The following TSPAN32 variants were observed in gnomAD, a reference collection of about 807,000 sequenced individuals.
TSPAN32 encodes the protein tetraspanin 32, also known as tetraspanin-32.
Under a neutral mutation model 42.7 loss-of-function variants are expected in TSPAN32, and 47 were observed. The observed-to-expected ratio is 1.10, with a 90% CI of 0.87 to 1.40. The LOEUF (loss-of-function observed/expected upper bound fraction) is 1.40, where lower values mean the gene tolerates loss of function less well. Among genes scored for constraint, TSPAN32 ranks in the 40% most tolerant of loss-of-function variants. TSPAN32 has a pLI of 0.00. For missense variants in TSPAN32, 469 were observed against 424.1 expected (o/e 1.11, Z -0.93); for synonymous variants, 175 against 175.9 (o/e 0.99, Z 0.04).
At position 2,313,669 on chromosome 11, in the gene TSPAN32, C is replaced by T; in HGVS notation, c.370C>T (p.Leu124=). The part of the protein sequence containing the change: ...HSPTQVEDAM[L]DTYDLVYEQA... ...CTCGGTGCAGGTGGAGGACGCCATG[C>T]TGGACACCTACGACCTGGTATATGA... Residue 124 remains leucine, a synonymous_variant, in exon 5 of 10, where the codon CTG becomes TTG. Transcript: ENST00000182290. This position sits in a 1 kb window ranked among gnomAD's most constrained non-coding sequence, Gnocchi z 9.1. 1 of 1,607,026 alleles carries T rather than the reference C, an allele frequency of 6.2e-7. No individual in the cohort carries two copies. Among genetic ancestry groups the T allele is most frequent in the East Asian group, 2.2e-5 (1 of 44,644 alleles).
chr11:2,318,076 C>A lies in TSPAN32; in HGVS notation c.*152C>A. On this transcript the variant is annotated 3_prime_UTR_variant, in exon 10 of 10. Transcript: ENST00000182290. This position sits in a 1 kb window ranked among gnomAD's most constrained non-coding sequence, Gnocchi z 4.2. ...CCTGGTCCTGTGGTCCCTCCACCTT[C>A]AAACCAGCAATGGTGCATTGAGCAA... 2 of 583,232 alleles carry A rather than the reference C, an allele frequency of 3.4e-6. No individual in the cohort carries two copies. The highest frequency in any genetic ancestry group is 6.0e-6 in the Non-Finnish European group (2 of 331,150). 36.1% of individuals were successfully genotyped at this position (583,232 alleles called of 1,614,324 possible).
rs188461145 is a variant in TSPAN32 at position 2,312,680 on chromosome 11, G to A, written c.355-974G>A. 3.4e-3 allele frequency among the ~76,000 whole-genome samples: 525 copies of A among 152,324 alleles called. 1 individual carries two copies. The highest frequency in any genetic ancestry group is 0.012 in the African/African-American group (496 of 41,578). Reference sequence around the variant, plus strand: ...GGGCCCCAGTGCAATGAGGACCGCCGTAAGCCACCCTTCCTTTCTGGAGGG... The same window carrying A: ...GGGCCCCAGTGCAATGAGGACCGCCATAAGCCACCCTTCCTTTCTGGAGGG... On this transcript the variant is annotated intron_variant, in intron 4 of 9. Coordinates refer to ENST00000182290, the MANE Select transcript of TSPAN32 (RefSeq NM_139022.3).
intron 3 of TSPAN32, among the ~76,000 whole-genome samples, chr11:2,306,612 GA>G (rs1848108945): frequency 6.6e-6 from 1 of 151,184 alleles, no homozygotes; most frequent in Admixed American, 6.6e-5. Flanking sequence ...CCTGAGGAAT[GA>G]AATGGTTTCT....
chr11:2,308,668 C>A lies in TSPAN32; in HGVS notation c.280-68C>A, dbSNP rs1848274093. On this transcript the variant is annotated intron_variant, in intron 3 of 9. Coordinates refer to ENST00000182290, the MANE Select transcript of TSPAN32 (RefSeq NM_139022.3). The stretch of plus-strand genomic sequence containing the variant: ...CTGGCCCGCCCACAGTGACCGGCCC[C>A]CCCCAGCAGCGACCAGCCCCCCGCA... The A allele has an allele frequency of 6.2e-6, 3 of 483,702 alleles. 1 individual carries two copies. Among genetic ancestry groups the A allele is most frequent in the Non-Finnish European group, 1.1e-5 (3 of 270,552 alleles). 30.0% of individuals were successfully genotyped at this position (483,702 alleles called of 1,614,324 possible).
At chr11:2,314,607 C>T (rs1297672276) in intron 6 of TSPAN32, 36 bp downstream of exon 6, 2 of 1,551,926 alleles carry the variant, frequency 1.3e-6, no homozygotes, top group East Asian at 4.6e-5. Flanking sequence ...CAGGCAAGAC[C>T]CTCGGGGGCT....
Position 2,317,446 on chromosome 11 carries a change from A to T in TSPAN32, c.822A>T (p.Gly274=). 6.2e-7 allele frequency: 1 copy of T among 1,603,492 alleles called. No homozygotes were observed. Residue 274 remains glycine (G), a synonymous_variant, in exon 9 of 10, where the codon GGA becomes GGT. Coordinates refer to ENST00000182290, the MANE Select transcript of TSPAN32 (RefSeq NM_139022.3). The surrounding 1 kb of genome is among the most constrained non-coding windows in gnomAD (Gnocchi z 6.2). ...AAGCAGTTGCTATTGGTCCAAGAGGATGCTCGGGTAGTCTTCGGTGGCTGC... is the reference window on the plus strand; with the variant it reads ...AAGCAGTTGCTATTGGTCCAAGAGGTTGCTCGGGTAGTCTTCGGTGGCTGC... The part of the protein sequence containing the change: ...HSEAVAIGPR[G]CSGSLRWLQE...
At chr11:2,310,338 G>A (rs1256912122) in intron 4 of TSPAN32, among the ~76,000 whole-genome samples, 2 of 152,214 alleles carry the variant, frequency 1.3e-5, no homozygotes, top group Admixed American at 1.3e-4. Flanking sequence ...AGGAAGGGAA[G>A]GGGGTGCAAG....
rs1041247354 is a variant in TSPAN32, at chr11:2,317,793, G to T, written c.902-70G>T. Reference sequence around the variant, plus strand: ...CTCCACCCAGACACAAGCTGCACTGGTTTTCTATGCTGCGTAAGAAGCAGC... The same window carrying T: ...CTCCACCCAGACACAAGCTGCACTGTTTTTCTATGCTGCGTAAGAAGCAGC... On this transcript the variant is annotated intron_variant, in intron 9 of 9. Coordinates refer to ENST00000182290, the MANE Select transcript of TSPAN32 (RefSeq NM_139022.3). The surrounding 1 kb of genome is among the most constrained non-coding windows in gnomAD (Gnocchi z 6.2). 3.1e-5 allele frequency: 50 copies of T among 1,591,282 alleles called. No individual in the cohort carries two copies. Among genetic ancestry groups the T allele is most frequent in the Non-Finnish European group, 8.5e-6 (10 of 1,173,038 alleles).
rs946002291 is a variant in TSPAN32 at position 2,303,736 on chromosome 11, G to A, written c.182-371G>A. Among the ~76,000 whole-genome samples, 7 of 152,124 alleles carry A rather than the reference G, an allele frequency of 4.6e-5. No homozygotes were observed. The East Asian group carries it at 5.8e-4, about 13-fold the overall frequency. ...ACTGATAAGATTACAGCTCCAGTCC[G>A]GCCACTTGTCACTAGGACATGGCAG... On this transcript the variant is annotated intron_variant, in intron 2 of 9. Transcript: ENST00000182290.
Position 2,316,324 on chromosome 11 carries a change from C to G in TSPAN32, c.627+12C>G. On this transcript the variant is annotated intron_variant, in intron 7 of 9. Coordinates refer to ENST00000182290, the MANE Select transcript of TSPAN32 (RefSeq NM_139022.3). ...GCCTGGCCCTCACGGTACCCTCTCG[C>G]CTCCCTCACTGCCCCTTCCCACCTC... 6.3e-7 allele frequency: 1 copy of G among 1,588,168 alleles called. No homozygotes were observed. The highest frequency in any genetic ancestry group is 8.5e-7 in the Non-Finnish European group (1 of 1,171,022).
chr11:2,316,034 T>TCC, intron 6 of TSPAN32, 195 bp from the exon 7 acceptor site: 1 of 1,534,330 alleles, frequency 6.5e-7, no homozygotes, highest in Non-Finnish European at 8.7e-7. Context: ...GCCAGCCCTG[T>TCC]CCCACTGGGC....
chr11:2,302,389 G>A (rs2234290), intron 1 of TSPAN32, among the ~76,000 whole-genome samples, 174 bp downstream of exon 1: 1 of 152,022 alleles, frequency 6.6e-6, no homozygotes, highest in Middle Eastern at 3.2e-3. Context: ...AGGCAGGCAG[G>A]GACCACCATG....
In TSPAN32 at chr11:2,310,286, T is replaced by C. The variant is rs1589807944; in HGVS notation, c.354+1476T>C. On this transcript the variant is annotated intron_variant, in intron 4 of 9. Transcript: ENST00000182290. Reference sequence around the variant, plus strand: ...CACAATTCTGGAGGGGAGGGGGCCATACAGGGGCCACAGGACAGAACGCAG... The same window carrying C: ...CACAATTCTGGAGGGGAGGGGGCCACACAGGGGCCACAGGACAGAACGCAG... Among the ~76,000 whole-genome samples, 4 of 152,080 alleles carry C rather than the reference T, an allele frequency of 2.6e-5. No homozygotes were observed. The East Asian group carries it at 7.7e-4, about 29-fold the overall frequency.
At chr11:2,312,261 C>T (rs150475466) in intron 4 of TSPAN32, among the ~76,000 whole-genome samples, 6 of 152,210 alleles carry the variant, frequency 3.9e-5, no homozygotes, top group Non-Finnish European at 7.3e-5. Context: ...AGCCAACCCC[C>T]GGGCCCACTC....
chr11:2,311,745 C>T (rs908792730), intron 4 of TSPAN32, among the ~76,000 whole-genome samples: 18 of 152,138 alleles, frequency 1.2e-4, no homozygotes, highest in African/African-American at 3.1e-4. Flanking sequence ...CCCCGGGCAC[C>T]GGAAGACGGA....
chr11:2,302,040 G>T lies in TSPAN32; in HGVS notation c.-110G>T. 1 of 1,494,956 alleles carries T rather than the reference G, an allele frequency of 6.7e-7. No homozygotes were observed. Among genetic ancestry groups the T allele is most frequent in the Middle Eastern group, 1.9e-4 (1 of 5,344 alleles). The allele number at this position is 1,494,956 out of a possible 1,614,324, so 92.6% of individuals were successfully genotyped here. A position where few individuals can be genotyped will look rare whatever the true frequency, so the allele number is the denominator to read the frequency against. ...GGCGATGTTGACAGACAGACAGAGG[G>T]GCGGATGCAGCCTACCTCCTGGGCA... On this transcript the variant is annotated 5_prime_UTR_variant, in exon 1 of 10. Transcript: ENST00000182290.
At chr11:2,306,934 G>GACAA (rs1450538446) in intron 3 of TSPAN32, 5 of 53,094 alleles carry the variant, frequency 9.4e-5, no homozygotes, top group Admixed American at 3.2e-4. Context: ...GATGGAGGAG[G>GACAA]GGGAAGGAGG....
chr11:2,314,971 G>A, intron 6 of TSPAN32: 1 of 308,158 alleles, frequency 3.2e-6, no homozygotes, highest in Non-Finnish European at 6.3e-6. Context: ...CTCTGTCTAG[G>A]GGGAAGGGTG....
At position 2,302,188 on chromosome 11, in the gene TSPAN32, G is replaced by C. The variant is rs142403358; in HGVS notation, c.39G>C (p.Gln13His). 3 of 1,412,510 alleles carry C rather than the reference G, an allele frequency of 2.1e-6. No individual in the cohort carries two copies. The highest frequency in any genetic ancestry group is 2.8e-6 in the Non-Finnish European group (3 of 1,078,394). 87.5% of individuals were successfully genotyped at this position (1,412,510 alleles called of 1,614,324 possible). ...GTCGAGTCAGGGTTGCCAAATGCCA[G>C]ATGCTGGTCACCTGCTTCTTTATCT... ...PWSRVRVAKC[Q>H]MLVTCFFILL... The change falls in exon 1 of 10, where the codon CAG becomes CAC. Residue 13 changes from glutamine to histidine, a missense_variant. Gln to His is a conservative substitution (Grantham distance 24, BLOSUM62 0). Transcript: ENST00000182290.
Sources: allele counts gnomAD v4.1 joint callset (sites outside exome capture counted in the v4.1 genomes callset), GRCh38; gene constraint gnomAD v4.1.1; non-coding constraint Gnocchi (gnomAD v3.1); transcripts MANE v1.5; gene names NCBI Gene and HGNC (gene_info 2026-07-23, HGNC 2026-07-21).